Variants in NTRK3 observed in about 807,000 individuals in gnomAD.
NTRK3 encodes the protein neurotrophic receptor tyrosine kinase 3.
Under a neutral mutation model 91.7 loss-of-function variants are expected in NTRK3, and 24 were observed. The ratio of observed to expected loss-of-function variants is 0.26; its 90% CI spans 0.19 to 0.37. The LOEUF (loss-of-function observed/expected upper bound fraction) is 0.37. NTRK3 is among the 10% of genes least tolerant of loss of function. NTRK3 has a pLI of 1.00. For synonymous variants in NTRK3, 483 were observed against 404.0 expected, an observed-to-expected ratio of 1.20 and a Z score of -2.34; for missense variants, 880 against 1,068.9, an observed-to-expected ratio of 0.82 and a Z score of 2.46.
At chr15:88,053,796 A>C (rs969651002) in intron 13 of NTRK3, among the ~76,000 whole-genome samples, 4 of 152,224 alleles carry the variant, frequency 2.6e-5, no homozygotes, top group Non-Finnish European at 5.9e-5. Context: ...TAGAGTTGTT[A>C]AGTTCAGACA....
At chr15:88,001,697 T>C (rs1238642293) in intron 14 of NTRK3, among the ~76,000 whole-genome samples, 3 of 152,162 alleles carry the variant, frequency 2.0e-5, no homozygotes, top group Non-Finnish European at 4.4e-5. Context: ...CATTGATCTA[T>C]GTCTATCCTC....
At chr15:87,969,929 A>T (rs906728365) in intron 14 of NTRK3, among the ~76,000 whole-genome samples, 1 of 152,176 alleles carries the variant, frequency 6.6e-6, no homozygotes, top group Admixed American at 6.5e-5. Flanking sequence ...CCAAAGGGGC[A>T]GCCATCTCTC....
intron 13 of NTRK3, among the ~76,000 whole-genome samples, chr15:88,065,620 C>A (rs1204861892): frequency 6.6e-6 from 1 of 152,154 alleles, no homozygotes; most frequent in Non-Finnish European, 1.5e-5. Context: ...GATTTTTGTT[C>A]TCATAAATCC....
intron 13 of NTRK3, among the ~76,000 whole-genome samples, chr15:88,066,726 G>C (rs1185517273): frequency 6.6e-6 from 1 of 152,082 alleles, no homozygotes; most frequent in Non-Finnish European, 1.5e-5. Context: ...AATCACAGTA[G>C]AGCCATGATC....
chr15:87,866,412 T>A (rs1228569578), exon 19 of NTRK3: 1 of 170,328 alleles, frequency 5.9e-6, no homozygotes, highest in African/African-American at 2.4e-5. Flanking sequence ...AAAGTATACA[T>A]TTACATATAT....
chr15:88,203,480 C>G (rs2048470668), intron 3 of NTRK3, among the ~76,000 whole-genome samples: 1 of 152,156 alleles, frequency 6.6e-6, no homozygotes, highest in Non-Finnish European at 1.5e-5. Flanking sequence ...CATAACCACC[C>G]TAACGAACAG....
chr15:88,154,916 T>A (rs1340200886), intron 5 of NTRK3, among the ~76,000 whole-genome samples: 1 of 151,894 alleles, frequency 6.6e-6, no homozygotes, highest in Non-Finnish European at 1.5e-5. Context: ...CTCCATGGAG[T>A]GTCTAGCCAA....
chr15:88,159,010 G>C (rs2044185677), intron 5 of NTRK3, among the ~76,000 whole-genome samples: 1 of 152,236 alleles, frequency 6.6e-6, no homozygotes, highest in Admixed American at 6.5e-5. Flanking sequence ...TACAGCTGCA[G>C]GCCAAGCCCC....
intron 14 of NTRK3, among the ~76,000 whole-genome samples, chr15:88,006,868 C>T (rs2076530153): frequency 6.6e-6 from 1 of 152,100 alleles, no homozygotes; most frequent in Non-Finnish European, 1.5e-5. Flanking sequence ...AACACAGCAC[C>T]ATCAGAGAGC....
intron 13 of NTRK3, among the ~76,000 whole-genome samples, chr15:88,083,011 T>C (rs941091422): frequency 2.6e-5 from 4 of 152,166 alleles, no homozygotes; most frequent in African/African-American, 7.2e-5. Flanking sequence ...AAGGCCAACA[T>C]ACTTTGGAAT....
intron 3 of NTRK3, among the ~76,000 whole-genome samples, chr15:88,217,989 G>A (rs1479569867): frequency 6.6e-6 from 1 of 152,022 alleles, no homozygotes; most frequent in African/African-American, 2.4e-5. Flanking sequence ...TAAGGCTCTT[G>A]TGCCCATTCT....
Position 87,938,038 on chromosome 15 carries a change from T to C in NTRK3, c.1716+2585A>G, listed in dbSNP as rs148440862. On this transcript the variant is annotated intron_variant, in intron 15 of 18. Transcript: ENST00000394480. The stretch of plus-strand genomic sequence containing the variant: ...CTGCAAAGGAAGGGGGTTGACTGGG[T>C]TTGAATGCTGTGTAAATGTTCTATT... Among the ~76,000 whole-genome samples, 631 of 151,972 alleles carry C rather than the reference T, an allele frequency of 4.2e-3. 3 individuals carry two copies. Among genetic ancestry groups the C allele is most frequent in the Non-Finnish European group, 7.0e-3 (477 of 67,972 alleles).
At chr15:88,171,826 C>T (rs1355294078) in intron 5 of NTRK3, among the ~76,000 whole-genome samples, 1 of 152,206 alleles carries the variant, frequency 6.6e-6, no homozygotes, top group Non-Finnish European at 1.5e-5. Context: ...CTCAGTCATT[C>T]GTTCAGTCAG....
intron 13 of NTRK3, among the ~76,000 whole-genome samples, chr15:88,107,986 G>A (rs1283343966): frequency 2.0e-5 from 3 of 152,086 alleles, no homozygotes; most frequent in Admixed American, 1.3e-4. Context: ...CTGTTGGGCA[G>A]GTAGGGGCAG....
intron 17 of NTRK3, among the ~76,000 whole-genome samples, chr15:87,924,426 C>A (rs760688414): frequency 2.0e-5 from 3 of 152,134 alleles, no homozygotes; most frequent in Non-Finnish European, 4.4e-5. Context: ...CAGTGCCTTA[C>A]TACCTGCTGC....
At chr15:87,932,071 G>A (rs1265267339) in intron 16 of NTRK3, among the ~76,000 whole-genome samples, 1 of 152,202 alleles carries the variant, frequency 6.6e-6, no homozygotes, top group Non-Finnish European at 1.5e-5. Context: ...GGCATCTGCA[G>A]AAGGCAGAGG....
At chr15:87,892,632 C>T (rs2065907328) in intron 17 of NTRK3, among the ~76,000 whole-genome samples, 1 of 152,036 alleles carries the variant, frequency 6.6e-6, no homozygotes, top group South Asian at 2.1e-4. Flanking sequence ...ACCTTAATTT[C>T]CAATTTCTGT....
chr15:87,870,846 C>T, exon 19 of NTRK3: 1 of 225,718 alleles, frequency 4.4e-6, no homozygotes, highest in Non-Finnish European at 8.8e-6. Flanking sequence ...CTATTAGAAA[C>T]TTCCAGCTTT....
intron 14 of NTRK3, among the ~76,000 whole-genome samples, chr15:88,003,288 T>C (rs118175627): frequency 6.6e-6 from 1 of 152,292 alleles, no homozygotes; most frequent in East Asian, 1.9e-4. Flanking sequence ...TATGAACCTG[T>C]AGACCTGCTG....
Sources: gnomAD v4.1 joint callset for allele counts (sites outside exome capture counted in the v4.1 genomes callset) on GRCh38, gnomAD v4.1.1 for gene constraint, MANE v1.5 for transcripts, NCBI Gene and HGNC (gene_info 2026-07-23, HGNC 2026-07-21) for gene names.